ATP8A2: variants seen among roughly 807,000 people sequenced by gnomAD.
ATP8A2 encodes the protein ATPase phospholipid transporting 8A2.
A neutral mutation model predicts 165.6 loss-of-function variants in ATP8A2; 100 were observed. The ratio of observed to expected loss-of-function variants is 0.60; its 90% CI spans 0.51 to 0.71. The LOEUF is 0.71. ATP8A2 is among the 30% of genes least tolerant of loss of function. The probability of loss-of-function intolerance (pLI) is 0.00; values close to 1 mark genes in which losing one functional copy is unlikely to be tolerated. For synonymous variants in ATP8A2, 543 were observed against 548.8 expected, an observed-to-expected ratio of 0.99 and a Z score of 0.15; for missense variants, 1,227 against 1,479.5, an observed-to-expected ratio of 0.83 and a Z score of 2.80.
chr13:25,667,013 A>G (rs1379127670), intron 24 of ATP8A2, among the ~76,000 whole-genome samples: 1 of 152,238 alleles, frequency 6.6e-6, no homozygotes, highest in Non-Finnish European at 1.5e-5. Context: ...TACATAACAT[A>G]AAACTAACCA....
chr13:25,454,791 A>G (rs1045637971), intron 1 of ATP8A2, among the ~76,000 whole-genome samples: 1 of 152,186 alleles, frequency 6.6e-6, no homozygotes, highest in Non-Finnish European at 1.5e-5. Flanking sequence ...GCGTGATGGC[A>G]CACACCTGTA....
At chr13:25,589,529 G>T (rs1034015238) in intron 23 of ATP8A2, 106 bp from the exon 24 acceptor site, 5 of 775,908 alleles carry the variant, frequency 6.4e-6, no homozygotes, top group Non-Finnish European at 1.1e-5. Context: ...CTATTCCTCT[G>T]TGTGAGCCAA....
At chr13:25,622,649 T>A (rs2041000455) in intron 24 of ATP8A2, among the ~76,000 whole-genome samples, 1 of 152,152 alleles carries the variant, frequency 6.6e-6, no homozygotes, top group African/African-American at 2.4e-5. Context: ...ATATCTGACC[T>A]CATGTGACAG....
chr13:25,679,747 G>T (rs1260942736), intron 24 of ATP8A2, among the ~76,000 whole-genome samples: 1 of 152,176 alleles, frequency 6.6e-6, no homozygotes, highest in African/African-American at 2.4e-5. Flanking sequence ...AGAGGCCTGG[G>T]CGAAGGATAC....
intron 1 of ATP8A2, among the ~76,000 whole-genome samples, chr13:25,466,454 G>A (rs1380719052): frequency 1.3e-5 from 2 of 152,116 alleles, no homozygotes; most frequent in Non-Finnish European, 2.9e-5. Context: ...CAAAGAGGCT[G>A]CTGACCTCTG....
chr13:25,389,742 A>T (rs1231942498), intron 1 of ATP8A2, among the ~76,000 whole-genome samples: 1 of 152,222 alleles, frequency 6.6e-6, no homozygotes, highest in East Asian at 1.9e-4. Context: ...TGGATGAAGG[A>T]TGCATAATAC....
intron 33 of ATP8A2, among the ~76,000 whole-genome samples, chr13:25,914,483 G>A (rs1954210178): frequency 6.6e-6 from 1 of 152,078 alleles, no homozygotes; most frequent in African/African-American, 2.4e-5. Context: ...CCATCTCAAT[G>A]CTCAGAAGTG....
intron 24 of ATP8A2, among the ~76,000 whole-genome samples, chr13:25,615,566 C>G (rs964916441): frequency 2.6e-5 from 4 of 152,162 alleles, no homozygotes; most frequent in Non-Finnish European, 4.4e-5. Flanking sequence ...CGGGTTCTGT[C>G]CAGGAAACTT....
intron 28 of ATP8A2, among the ~76,000 whole-genome samples, chr13:25,831,578 C>G (rs888768878): frequency 8.5e-5 from 13 of 152,088 alleles, no homozygotes; most frequent in African/African-American, 2.9e-4. Flanking sequence ...CGTGTTGGCT[C>G]ACACCTATAA....
chr13:25,803,028 G>A (rs544798485), intron 27 of ATP8A2, among the ~76,000 whole-genome samples: 5 of 151,214 alleles, frequency 3.3e-5, no homozygotes, highest in African/African-American at 1.2e-4. Flanking sequence ...TTTTTTTAAA[G>A]GCGTGAAGGA....
At chr13:25,780,930 G>T (rs2044861469) in intron 27 of ATP8A2, among the ~76,000 whole-genome samples, 1 of 152,148 alleles carries the variant, frequency 6.6e-6, no homozygotes. Context: ...AGGGGTTGGG[G>T]ATCCCTGTAC....
intron 2 of ATP8A2, among the ~76,000 whole-genome samples, chr13:25,513,833 T>G (rs1394302753): frequency 6.6e-6 from 1 of 152,184 alleles, no homozygotes; most frequent in Non-Finnish European, 1.5e-5. Context: ...GGCGCGCGCC[T>G]GCAATCGCAG....
intron 35 of ATP8A2, among the ~76,000 whole-genome samples, chr13:25,996,556 A>G (rs553802044): frequency 2.6e-5 from 4 of 152,148 alleles, no homozygotes; most frequent in Non-Finnish European, 5.9e-5. Context: ...ATGGAGTCTT[A>G]CTCTGTTGCC....
intron 24 of ATP8A2, among the ~76,000 whole-genome samples, chr13:25,648,618 C>T (rs1254778391): frequency 1.3e-5 from 2 of 152,124 alleles, no homozygotes; most frequent in African/African-American, 4.8e-5. Flanking sequence ...GAGCCTAGAT[C>T]ACGTCACTGC....
At chr13:25,453,481 G>A (rs1430662387) in intron 1 of ATP8A2, among the ~76,000 whole-genome samples, 1 of 152,052 alleles carries the variant, frequency 6.6e-6, no homozygotes, top group Non-Finnish European at 1.5e-5. Context: ...CATGGCTGGG[G>A]TTTTACGGCT....
At chr13:25,841,665 G>T (rs2138668286) in intron 30 of ATP8A2, among the ~76,000 whole-genome samples, 1 of 152,294 alleles carries the variant, frequency 6.6e-6, no homozygotes, top group African/African-American at 2.4e-5. Context: ...CACTGTGGTA[G>T]ATTCTAAGGG....
chr13:25,807,177 G>T (rs1950759567), intron 27 of ATP8A2, among the ~76,000 whole-genome samples: 2 of 147,932 alleles, frequency 1.4e-5, no homozygotes, highest in African/African-American at 2.5e-5. Flanking sequence ...TAGCACAAAT[G>T]TTTGTAATTT....
chr13:25,860,573 A>G (rs1952318105), intron 31 of ATP8A2, among the ~76,000 whole-genome samples: 1 of 152,170 alleles, frequency 6.6e-6, no homozygotes, highest in Admixed American at 6.5e-5. Flanking sequence ...GGGCAAAACT[A>G]TTATTTATGA....
intron 25 of ATP8A2, among the ~76,000 whole-genome samples, chr13:25,707,260 T>C (rs2043072435): frequency 6.6e-6 from 1 of 152,212 alleles, no homozygotes; most frequent in Admixed American, 6.5e-5. Context: ...AAGCTAATTT[T>C]GATGATAGCA....
Sources: allele counts gnomAD v4.1 joint callset (sites outside exome capture counted in the v4.1 genomes callset), GRCh38; gene constraint gnomAD v4.1.1; transcripts MANE v1.5; gene names NCBI Gene and HGNC (gene_info 2026-07-23, HGNC 2026-07-21).